The following VTI1A variants were observed in gnomAD, a reference collection of about 807,000 sequenced individuals.
VTI1A encodes vesicle transport through interaction with t-SNAREs 1A.
Under a neutral mutation model 34.9 loss-of-function variants are expected in VTI1A, and 22 were observed. The ratio of observed to expected loss-of-function variants is 0.63; its 90% CI spans 0.45 to 0.90. The LOEUF is 0.90. Ranked by LOEUF, VTI1A falls within the 40% of genes least tolerant of loss-of-function variation. The pLI, the probability that VTI1A is intolerant of heterozygous loss-of-function variation, is 0.00. For synonymous variants in VTI1A, 87 were observed against 97.3 expected (o/e 0.89, Z 0.62); for missense variants, 268 against 275.6 (o/e 0.97, Z 0.20).
At chr10:112,460,390 A>G in intron 1 of VTI1A, 134 bp from the exon 2 acceptor site, 1 of 721,464 alleles carries the variant, frequency 1.4e-6, no homozygotes, top group South Asian at 2.7e-5. Context: ...CCCACCAAAG[A>G]ATGATATGCT....
At chr10:112,494,545 G>A (rs555922918) in intron 3 of VTI1A, among the ~76,000 whole-genome samples, 3 of 151,138 alleles carry the variant, frequency 2.0e-5, no homozygotes, top group East Asian at 1.9e-4. Flanking sequence ...TCCTCGCTCC[G>A]TTGCCAAGGC....
chr10:112,491,894 T>A (rs1459246034), intron 3 of VTI1A, among the ~76,000 whole-genome samples: 1 of 152,218 alleles, frequency 6.6e-6, no homozygotes, highest in East Asian at 1.9e-4. Context: ...AGCCTCCGCC[T>A]CTTCCCTCAG....
chr10:112,513,647 A>G (rs1014492077), intron 3 of VTI1A, among the ~76,000 whole-genome samples: 1 of 151,954 alleles, frequency 6.6e-6, no homozygotes, highest in Non-Finnish European at 1.5e-5. Context: ...ACATTTCACC[A>G]TGGAGAATTA....
chr10:112,837,663 T>A, the VTI1A span, among the ~76,000 whole-genome samples: 2 of 152,262 alleles, frequency 1.3e-5, no homozygotes, highest in Admixed American at 1.3e-4. Flanking sequence ...GGTTTTAGGT[T>A]GAATGGCTCC....
intron 7 of VTI1A, among the ~76,000 whole-genome samples, chr10:112,775,743 A>G (rs1160748867): frequency 6.6e-6 from 1 of 152,228 alleles, no homozygotes; most frequent in Non-Finnish European, 1.5e-5. Flanking sequence ...GCAAATTTAT[A>G]TCGAGTAATT....
chr10:112,666,753 C>G (rs1294130117), intron 5 of VTI1A, among the ~76,000 whole-genome samples: 1 of 152,010 alleles, frequency 6.6e-6, no homozygotes, highest in Non-Finnish European at 1.5e-5. Context: ...TACAACAAGA[C>G]TAAGATAGGA....
intron 7 of VTI1A, among the ~76,000 whole-genome samples, chr10:112,806,316 C>T (rs1263586361): frequency 6.6e-6 from 1 of 152,138 alleles, no homozygotes; most frequent in African/African-American, 2.4e-5. Flanking sequence ...GACGGAGTCT[C>T]ACTCTGTCAC....
chr10:112,737,060 T>C (rs1850509444), intron 7 of VTI1A: 1 of 413,498 alleles, frequency 2.4e-6, no homozygotes, highest in Non-Finnish European at 4.3e-6. Context: ...ACAATTTTTT[T>C]TCTTTTTTTT....
downstream of VTI1A, among the ~76,000 whole-genome samples, chr10:112,819,499 G>A (rs1853611230): frequency 6.6e-6 from 1 of 152,124 alleles, no homozygotes; most frequent in South Asian, 2.1e-4. Flanking sequence ...ACATCTTAAA[G>A]GAAGATGTGT....
At chr10:112,668,630 T>G (rs1328504959) in intron 6 of VTI1A, among the ~76,000 whole-genome samples, 1 of 152,138 alleles carries the variant, frequency 6.6e-6, no homozygotes, top group African/African-American at 2.4e-5. Context: ...TATATGTTTT[T>G]AGGACTTTGC....
intron 7 of VTI1A, among the ~76,000 whole-genome samples, chr10:112,731,784 C>A (rs1310173746): frequency 6.6e-6 from 1 of 151,914 alleles, no homozygotes; most frequent in Non-Finnish European, 1.5e-5. Flanking sequence ...AGCAGTTTTT[C>A]TTTTTCCAAT....
intron 5 of VTI1A, among the ~76,000 whole-genome samples, chr10:112,578,581 A>G (rs947494973): frequency 5.9e-5 from 9 of 152,210 alleles, no homozygotes; most frequent in African/African-American, 1.9e-4. Flanking sequence ...TTGAACTGAT[A>G]GTCATTTAAA....
chr10:112,491,022 C>T (rs2419638), intron 3 of VTI1A, among the ~76,000 whole-genome samples: 103,592 of 150,780 alleles, frequency 0.69, 35,933 homozygotes, highest in East Asian at 0.95. Flanking sequence ...CTTTGACATA[C>T]CACCTTTCCC....
At chr10:112,737,833 T>G in intron 7 of VTI1A, 1 of 1,061,014 alleles carries the variant, frequency 9.4e-7, no homozygotes, top group Non-Finnish European at 1.1e-6. Flanking sequence ...TTGCATTTCT[T>G]TCTGCTTTTC....
chr10:112,761,485 T>C (rs920901181), intron 7 of VTI1A, among the ~76,000 whole-genome samples: 1 of 152,220 alleles, frequency 6.6e-6, no homozygotes, highest in Admixed American at 6.5e-5. Context: ...TATGATTGTA[T>C]AGGGAACAAA....
the VTI1A span, among the ~76,000 whole-genome samples, chr10:112,843,486 G>A: frequency 1.3e-5 from 2 of 152,200 alleles, no homozygotes; most frequent in Non-Finnish European, 2.9e-5. Context: ...GTGAGGAATC[G>A]TATGCAACAC....
intron 4 of VTI1A, 85 bp from the exon 5 acceptor site, chr10:112,538,161 A>T (rs1439441131): frequency 5.3e-5 from 63 of 1,188,580 alleles, no homozygotes; most frequent in Non-Finnish European, 7.1e-5. Flanking sequence ...ATGTTAGGGC[A>T]TACGAAGGCA....
chr10:112,820,001 A>T (rs1853622947), downstream of VTI1A, among the ~76,000 whole-genome samples: 1 of 152,174 alleles, frequency 6.6e-6, no homozygotes. Context: ...TGCTCAGTGT[A>T]GCATCTCTCA....
chr10:112,517,602 A>C (rs1849831645), intron 3 of VTI1A, among the ~76,000 whole-genome samples: 1 of 152,124 alleles, frequency 6.6e-6, no homozygotes, highest in South Asian at 2.1e-4. Flanking sequence ...CAAGTAATCA[A>C]GGTCAGCATC....
Sources: allele counts gnomAD v4.1 joint callset (sites outside exome capture counted in the v4.1 genomes callset), GRCh38; gene constraint gnomAD v4.1.1; transcripts MANE v1.5; gene names NCBI Gene and HGNC (gene_info 2026-07-23, HGNC 2026-07-21).